Variants in TRPM2 observed in about 807,000 individuals in gnomAD.
The protein encoded by TRPM2 is estrogen-responsive element-associated gene 1 protein.
Under a neutral mutation model 174.0 loss-of-function variants are expected in TRPM2, and 161 were observed. The ratio of observed to expected loss-of-function variants is 0.93; its 90% CI spans 0.81 to 1.05. The LOEUF is 1.05. TRPM2 is among the 50% of genes least tolerant of loss of function. The pLI is 0.00. For missense variants in TRPM2, 2,057 were observed against 2,038.0 expected, an observed-to-expected ratio of 1.01 and a Z score of -0.18; for synonymous variants, 954 against 861.3, an observed-to-expected ratio of 1.11 and a Z score of -1.88.
chr21:44,353,674 G>A lies in TRPM2; in HGVS notation c.-27G>A, dbSNP rs766854572. 141 of 1,462,920 alleles carry A rather than the reference G, an allele frequency of 9.6e-5. 1 individual carries two copies. The South Asian group carries it at 1.9e-3, about 19-fold the overall frequency. 90.6% of individuals were successfully genotyped at this position (1,462,920 alleles called of 1,614,324 possible). On this transcript the variant is annotated 5_prime_UTR_variant, in exon 1 of 32. Transcript: ENST00000397928. ...GGACTGTCCTGAGGGCAGCAGGCCTGGTTGCAGCTGGCGTGGGGGTCTCAG... is the reference window on the plus strand; with the variant it reads ...GGACTGTCCTGAGGGCAGCAGGCCTAGTTGCAGCTGGCGTGGGGGTCTCAG...
chr21:44,395,182 A>G (rs914787855), intron 11 of TRPM2, among the ~76,000 whole-genome samples: 3 of 152,238 alleles, frequency 2.0e-5, no homozygotes, highest in African/African-American at 7.2e-5. Context: ...TTGGTAAAGG[A>G]GTTAGACGGG....
At chr21:44,381,706 A>G (rs1026515073) in intron 8 of TRPM2, among the ~76,000 whole-genome samples, 22 of 152,138 alleles carry the variant, frequency 1.4e-4, no homozygotes, top group African/African-American at 5.1e-4. Flanking sequence ...CAGGAGTTTG[A>G]GACCAGCCTG....
intron 2 of TRPM2, among the ~76,000 whole-genome samples, chr21:44,355,594 A>G (rs1222460802): frequency 6.6e-6 from 1 of 152,098 alleles, no homozygotes; most frequent in Non-Finnish European, 1.5e-5. Flanking sequence ...TCGTGCTGTA[A>G]CTGTGTGGCT....
rs779194428 is a variant in TRPM2, at chr21:44,418,026, C to G, written c.3246C>G (p.Pro1082=). The G allele has an allele frequency of 4.3e-6, 7 of 1,613,226 alleles. No individual in the cohort carries two copies. In the South Asian group the frequency reaches 7.7e-5, roughly 18 times the overall value. ...ACCACGGCCGCCCCGCCGCGCCGCCCCCCTTCATCCTCCTCAGCCACCTGC... is the reference window on the plus strand; with the variant it reads ...ACCACGGCCGCCCCGCCGCGCCGCCGCCCTTCATCCTCCTCAGCCACCTGC... ...EEYHGRPAAP[P]PFILLSHLQL... is the part of the protein sequence containing the mutation. The change falls in exon 21 of 32, where the codon CCC becomes CCG. Residue 1082 remains proline (P), a synonymous_variant. Coordinates refer to ENST00000397928, the MANE Select transcript of TRPM2 (RefSeq NM_003307.4).
intron 31 of TRPM2, among the ~76,000 whole-genome samples, chr21:44,441,202 G>A (rs1006760294): frequency 6.6e-6 from 1 of 152,056 alleles, no homozygotes; most frequent in Non-Finnish European, 1.5e-5. Context: ...GAGAGGCCGG[G>A]GAGCCACCTC....
chr21:44,436,055 C>T (rs2051252968), intron 28 of TRPM2, among the ~76,000 whole-genome samples: 1 of 151,478 alleles, frequency 6.6e-6, no homozygotes, highest in Admixed American at 6.6e-5. Flanking sequence ...ACACTCAACC[C>T]CCACCACAGG....
chr21:44,424,923 G>A lies in TRPM2; in HGVS notation c.3621G>A (p.Ala1207=), dbSNP rs767433300. 20 of 1,605,460 alleles carry A rather than the reference G, an allele frequency of 1.2e-5. No individual in the cohort carries two copies. The highest frequency in any genetic ancestry group is 1.9e-4 in the Middle Eastern group (1 of 5,212). Residue 1207 remains alanine (A), a synonymous_variant, in exon 24 of 32, where the codon GCG becomes GCA. Coordinates refer to ENST00000397928, the MANE Select transcript of TRPM2 (RefSeq NM_003307.4). ...GGGCCAGCGGCTTCAGCTCGGAGGC[G>A]GACGTCCCCACTCTGGGTGAGTGGG... The part of the protein sequence containing the change: ...TLRASGFSSE[A]DVPTLASQKA...
upstream of TRPM2, among the ~76,000 whole-genome samples, chr21:44,352,075 GC>G (rs2122999119): frequency 4.7e-4 from 72 of 152,330 alleles, no homozygotes; most frequent in Admixed American, 2.8e-3. Flanking sequence ...CCCTTGCGGT[GC>G]CACTGCGATC....
rs771038080 is a variant in TRPM2, at chr21:44,439,171, A to C, written c.4269+3A>C. On this transcript the variant is annotated splice_donor_region_variant and intron_variant, in intron 30 of 31. Transcript: ENST00000397928. This position sits in a 1 kb window ranked among gnomAD's most constrained non-coding sequence, Gnocchi z 5.1. ...ACTTGCTGAAGTGCGGCATGGAGGT[A>C]TTCCTGGCCTGTTTGCTCTGTTCCA... 6.2e-7 allele frequency: 1 copy of C among 1,612,046 alleles called. No individual in the cohort carries two copies. Among genetic ancestry groups the C allele is most frequent in the Non-Finnish European group, 8.5e-7 (1 of 1,178,538 alleles).
intron 8 of TRPM2, among the ~76,000 whole-genome samples, chr21:44,381,415 G>A (rs1374648528): frequency 1.4e-5 from 2 of 146,382 alleles, no homozygotes; most frequent in East Asian, 2.1e-4. Flanking sequence ...TGGGTGGGTG[G>A]TAGATAGATG....
chr21:44,379,687 C>T (rs774262267), intron 8 of TRPM2, among the ~76,000 whole-genome samples: 1 of 152,180 alleles, frequency 6.6e-6, no homozygotes, highest in Non-Finnish European at 1.5e-5. Flanking sequence ...CCTGCCATGA[C>T]CCCAGCCTCC....
Position 44,405,024 on chromosome 21 carries a change from G to A in TRPM2, c.2539-118G>A, listed in dbSNP as rs1413384192. On this transcript the variant is annotated intron_variant, in intron 16 of 31. Transcript: ENST00000397928. ...CAAGGGTAGTGATGATAGTGACAGTGATAGTGATGATAGTGACAGTGACTG... is the reference window on the plus strand; with the variant it reads ...CAAGGGTAGTGATGATAGTGACAGTAATAGTGATGATAGTGACAGTGACTG... The A allele has an allele frequency of 5.6e-6, 7 of 1,259,574 alleles. No homozygotes were observed. The South Asian group carries it at 7.7e-5, about 14-fold the overall frequency. The allele number at this position is 1,259,574 out of a possible 1,614,324, so 78.0% of individuals were successfully genotyped here. A position where few individuals can be genotyped will look rare whatever the true frequency, so the allele number is the denominator to read the frequency against.
rs551635274 is a variant in TRPM2, at chr21:44,354,181, G to T, written c.165+316G>T. Among the ~76,000 whole-genome samples the T allele has an allele frequency of 2.0e-5, 3 of 152,162 alleles. No homozygotes were observed. Among genetic ancestry groups the T allele is most frequent in the Admixed American group, 2.0e-4 (3 of 15,274 alleles). On this transcript the variant is annotated intron_variant, in intron 1 of 31. Transcript: ENST00000397928. The surrounding 1 kb of genome is among the most constrained non-coding windows in gnomAD (Gnocchi z 4.3). Reference sequence around the variant, plus strand: ...CATAATGATTTCACATCCTTTATCCGATTGGGAGGGCCTGGGCCTGGGCTA... The same window carrying T: ...CATAATGATTTCACATCCTTTATCCTATTGGGAGGGCCTGGGCCTGGGCTA...
chr21:44,350,871 G>A (rs1283059796), upstream of TRPM2, among the ~76,000 whole-genome samples: 1 of 152,028 alleles, frequency 6.6e-6, no homozygotes, highest in East Asian at 1.9e-4. Context: ...GGACTCAGCC[G>A]TCCTCGTGCC....
In TRPM2 at chr21:44,406,739, T is replaced by G. The variant is rs2146301819; in HGVS notation, c.2936T>G (p.Phe979Cys). 1.2e-6 allele frequency: 2 copies of G among 1,606,978 alleles called. No individual in the cohort carries two copies. The highest frequency in any genetic ancestry group is 1.7e-6 in the Non-Finnish European group (2 of 1,178,464). Residue 979 changes from phenylalanine to cysteine, a missense_variant, in exon 19 of 32, where the codon TTC becomes TGC. By Grantham distance (205) the Phe-to-Cys change is radical. Coordinates refer to ENST00000397928, the MANE Select transcript of TRPM2 (RefSeq NM_003307.4). ...GTCTACCACTCCTACCTCACCATCT[T>G]CGGGCAGATCCCGGGCTACATCGAC... Reference protein sequence around the residue: ...GAVYHSYLTIFGQIPGYIDGV... With the variant: ...GAVYHSYLTICGQIPGYIDGV...
Position 44,355,070 on chromosome 21 carries a change from C to G in TRPM2, c.254+334C>G, listed in dbSNP as rs192299351. Among the ~76,000 whole-genome samples the G allele has an allele frequency of 4.1e-3, 625 of 152,156 alleles. 5 individuals are homozygous for G. Among genetic ancestry groups the G allele is most frequent in the African/African-American group, 0.015 (605 of 41,416 alleles). ...TAATCCTCTCATTTCCACACCTGCC[C>G]CCACCCCAAGAGAGAGAGTCCCAGG... On this transcript the variant is annotated intron_variant, in intron 2 of 31. Coordinates refer to ENST00000397928, the MANE Select transcript of TRPM2 (RefSeq NM_003307.4).
At position 44,440,866 on chromosome 21, in the gene TRPM2, C is replaced by G. The variant is rs756261262; in HGVS notation, c.4347C>G (p.Phe1449Leu). The change falls in exon 31 of 32, where the codon TTC (phenylalanine) becomes TTG (leucine). Residue 1449 changes from phenylalanine (F) to leucine (L), a missense_variant. Physicochemically the swap from Phe to Leu is conservative, Grantham distance 22. Transcript: ENST00000397928. ...WIETVAVSVH[F>L]QDQNDVELNR... Reference sequence around the variant, plus strand: ...AGACGGTGGCCGTCAGCGTCCACTTCCAGGACCAGAATGACGTGGAGCTGA... The same window carrying G: ...AGACGGTGGCCGTCAGCGTCCACTTGCAGGACCAGAATGACGTGGAGCTGA... The G allele has an allele frequency of 1.2e-6, 2 of 1,613,980 alleles. No homozygotes were observed. The highest frequency in any genetic ancestry group is 1.7e-6 in the Non-Finnish European group (2 of 1,179,992).
Position 44,369,177 on chromosome 21 carries a change from G to C in TRPM2, c.605G>C (p.Gly202Ala). ...RGLVKVAQTT[G>A]AWIITGGSHT... ...CTGCCCACCCGTGCTCCTTCCCCAG[G>C]GGCCTGGATCATCACAGGGGGGTCC... The change falls in exon 5 of 32, where the codon GGG (glycine) becomes GCG (alanine). Residue 202 changes from glycine to alanine, a missense_variant and splice_region_variant. Physicochemically the swap from Gly to Ala is moderately conservative, Grantham distance 60. Transcript: ENST00000397928. The C allele has an allele frequency of 6.2e-7, 1 of 1,602,804 alleles. No individual in the cohort carries two copies.
At chr21:44,364,014 G>T (rs1246636257) in intron 2 of TRPM2, 100 bp from the exon 3 acceptor site, 1 of 1,315,580 alleles carries the variant, frequency 7.6e-7, no homozygotes, top group Non-Finnish European at 1.0e-6. Context: ...TTTGCTGGGT[G>T]GGGGAAGGTT....
Sources: gnomAD v4.1 joint callset for allele counts (sites outside exome capture counted in the v4.1 genomes callset) on GRCh38, gnomAD v4.1.1 for gene constraint, Gnocchi (gnomAD v3.1) non-coding constraint, MANE v1.5 for transcripts, NCBI Gene and HGNC (gene_info 2026-07-23, HGNC 2026-07-21) for gene names.